F13A1: variants seen among roughly 807,000 people sequenced by gnomAD.
The protein encoded by F13A1 is FSF, A subunit.
F13A1 carries 47 observed loss-of-function variants against 80.1 expected under a neutral mutation model. The ratio of observed to expected loss-of-function variants is 0.59; its 90% confidence interval spans 0.46 to 0.75. The LOEUF (loss-of-function observed/expected upper bound fraction) is 0.75. Ranked by LOEUF, F13A1 falls within the 30% of genes least tolerant of loss-of-function variation. The pLI is 0.00. For synonymous variants in F13A1, 349 were observed against 344.9 expected (o/e 1.01, Z -0.13); for missense variants, 817 against 930.4 (o/e 0.88, Z 1.59).
intron 3 of F13A1, among the ~76,000 whole-genome samples, chr6:6,283,018 C>T (rs773829440): frequency 6.6e-6 from 1 of 152,312 alleles, no homozygotes; most frequent in Admixed American, 6.5e-5. Context: ...GTGCCACCAC[C>T]TTAATCGAGT....
chr6:6,275,401 G>C (rs995394254), intron 3 of F13A1, among the ~76,000 whole-genome samples: 1 of 151,916 alleles, frequency 6.6e-6, no homozygotes, highest in East Asian at 1.9e-4. Flanking sequence ...ACGGAGTCTT[G>C]CTCTGTTGCC....
At chr6:6,239,342 C>G (rs760188193) in intron 6 of F13A1, among the ~76,000 whole-genome samples, 3 of 151,844 alleles carry the variant, frequency 2.0e-5, no homozygotes, top group Non-Finnish European at 4.4e-5. Context: ...GGAAGAAGCA[C>G]GAGGGAAACT....
intron 11 of F13A1, among the ~76,000 whole-genome samples, chr6:6,176,083 T>G (rs1481192464): frequency 6.6e-6 from 1 of 152,216 alleles, no homozygotes; most frequent in Non-Finnish European, 1.5e-5. Context: ...GGGTTTATCT[T>G]TGTGTATCCC....
At chr6:6,151,111 G>A (rs1440813034) in intron 14 of F13A1, among the ~76,000 whole-genome samples, 1 of 152,148 alleles carries the variant, frequency 6.6e-6, no homozygotes, top group Non-Finnish European at 1.5e-5. Flanking sequence ...ATCTTGTTGG[G>A]TCACACTCTT....
chr6:6,182,211 T>A lies in F13A1; in HGVS notation c.1306-70A>T, dbSNP rs920137866. 1.3e-5 allele frequency: 20 copies of A among 1,554,500 alleles called. No homozygotes were observed. In the South Asian group the frequency reaches 2.2e-4, roughly 17 times the overall value. On this transcript the variant is annotated intron_variant, in intron 10 of 14. Coordinates refer to ENST00000264870, the MANE Select transcript of F13A1 (RefSeq NM_000129.4). Reference sequence around the variant, plus strand: ...TGTTGCCAAAGTCTTTAACTGTCCATAGAGCAGTCGTCTAGAGATCTCTGG... The same window carrying A: ...TGTTGCCAAAGTCTTTAACTGTCCAAAGAGCAGTCGTCTAGAGATCTCTGG...
intron 6 of F13A1, among the ~76,000 whole-genome samples, chr6:6,245,896 C>T (rs749926912): frequency 6.6e-6 from 1 of 152,170 alleles, no homozygotes; most frequent in Non-Finnish European, 1.5e-5. Context: ...TTGCAACCTG[C>T]GAATGGGATT....
intron 3 of F13A1, among the ~76,000 whole-genome samples, chr6:6,281,188 C>T (rs1324916610): frequency 1.3e-5 from 2 of 152,190 alleles, no homozygotes; most frequent in African/African-American, 2.4e-5. Context: ...TTCTTCTTAC[C>T]TCCATATTTA....
intron 11 of F13A1, among the ~76,000 whole-genome samples, chr6:6,175,166 C>T (rs1760860474): frequency 6.6e-6 from 1 of 152,142 alleles, no homozygotes; most frequent in African/African-American, 2.4e-5. Flanking sequence ...TTGGCAATGT[C>T]TATCTTTTCT....
At chr6:6,215,307 C>T (rs1230972842) in intron 8 of F13A1, among the ~76,000 whole-genome samples, 7 of 121,250 alleles carry the variant, frequency 5.8e-5, no homozygotes, top group Non-Finnish European at 5.4e-5. Context: ...CCAAATCCAG[C>T]AGCACATCAA....
intron 8 of F13A1, chr6:6,206,553 G>A: frequency 2.0e-6 from 1 of 498,552 alleles, no homozygotes; most frequent in Non-Finnish European, 4.1e-6. Context: ...GTGGAATGAG[G>A]GCTTCAGGCG....
At chr6:6,222,966 C>T (rs1757217807) in intron 7 of F13A1, among the ~76,000 whole-genome samples, 1 of 152,230 alleles carries the variant, frequency 6.6e-6, no homozygotes, top group African/African-American at 2.4e-5. Flanking sequence ...GCAGCTGCCA[C>T]GGGCCTCCCG....
intron 6 of F13A1, among the ~76,000 whole-genome samples, chr6:6,244,943 G>C (rs558352960): frequency 2.4e-4 from 36 of 152,296 alleles, no homozygotes; most frequent in East Asian, 7.7e-4. Flanking sequence ...GGTGAGAAGA[G>C]AGTGTTACTT....
intron 2 of F13A1, among the ~76,000 whole-genome samples, chr6:6,308,474 A>G (rs541224308): frequency 5.9e-5 from 9 of 151,908 alleles, no homozygotes; most frequent in East Asian, 1.9e-4. Flanking sequence ...AAAAAAAAAA[A>G]AGAGACCATT....
At chr6:6,267,559 C>T (rs73718704) in intron 3 of F13A1, among the ~76,000 whole-genome samples, 3 of 152,278 alleles carry the variant, frequency 2.0e-5, no homozygotes, top group Non-Finnish European at 2.9e-5. Context: ...TCACTGTTGA[C>T]GTGTAGACAT....
intron 11 of F13A1, among the ~76,000 whole-genome samples, chr6:6,175,949 C>T (rs924473603): frequency 6.6e-6 from 1 of 152,240 alleles, no homozygotes; most frequent in Non-Finnish European, 1.5e-5. Context: ...GCTTATGCCT[C>T]AGACACTGGG....
chr6:6,278,686 A>C (rs887829978), intron 3 of F13A1, among the ~76,000 whole-genome samples: 1 of 150,572 alleles, frequency 6.6e-6, no homozygotes, highest in African/African-American at 2.4e-5. Context: ...AGACGCCTGG[A>C]GCAGAGGGAA....
chr6:6,262,708 A>T (rs933635861), intron 4 of F13A1, among the ~76,000 whole-genome samples: 5 of 149,160 alleles, frequency 3.4e-5, no homozygotes, highest in African/African-American at 1.3e-4. Context: ...CACTTCACTG[A>T]CAAAAAAAAA....
At position 6,299,643 on chromosome 6, in the gene F13A1, C is replaced by A. The variant is rs199831125; in HGVS notation, c.319+5708G>T. On this transcript the variant is annotated intron_variant, in intron 3 of 14. Coordinates refer to ENST00000264870, the MANE Select transcript of F13A1 (RefSeq NM_000129.4). ...CTCTGTATTGGTTATTCTAGTTATA[C>A]ATTCTTCTAAATTTTTTTCAAAGTT... Among the ~76,000 whole-genome samples the A allele has an allele frequency of 7.2e-4, 100 of 139,642 alleles. No homozygotes were observed. In the East Asian group the frequency reaches 0.011, roughly 15 times the overall value. The allele number at this position is 139,642 out of a possible 152,430, so 91.6% of individuals were successfully genotyped here.
At chr6:6,147,801 C>G (rs183365593) in intron 14 of F13A1, among the ~76,000 whole-genome samples, 1 of 152,158 alleles carries the variant, frequency 6.6e-6, no homozygotes, top group Non-Finnish European at 1.5e-5. Context: ...CATGAAGATA[C>G]GTATGCATGC....
Sources: allele counts gnomAD v4.1 joint callset (sites outside exome capture counted in the v4.1 genomes callset), GRCh38; gene constraint gnomAD v4.1.1; transcripts MANE v1.5; gene names NCBI Gene and HGNC (gene_info 2026-07-23, HGNC 2026-07-21).